The following CCDC47 variants were observed in gnomAD, a reference collection of about 807,000 sequenced individuals.
The protein encoded by CCDC47 is coiled-coil domain containing 47, also known as PAT complex subunit CCDC47.
In CCDC47, 41 loss-of-function variants were observed where a neutral mutation model predicts 60.5. The observed-to-expected ratio is 0.68, with a 90% CI of 0.53 to 0.88. CCDC47 has a LOEUF of 0.88. Among genes scored for constraint, CCDC47 ranks in the 40% least tolerant of loss-of-function variants. The pLI is 0.00. For missense variants in CCDC47, 513 were observed against 580.9 expected, an observed-to-expected ratio of 0.88 and a Z score of 1.20; for synonymous variants, 195 against 190.7, an observed-to-expected ratio of 1.02 and a Z score of -0.18.
intron 9 of CCDC47, chr17:63,753,179 C>T (rs2039180233): frequency 1.6e-6 from 1 of 618,088 alleles, no homozygotes; most frequent in African/African-American, 2.0e-5. Flanking sequence ...TTCTATCTTC[C>T]TATAACAAGG....
chr17:63,760,783 G>A, intron 6 of CCDC47, 131 bp downstream of exon 6: 1 of 620,736 alleles, frequency 1.6e-6, no homozygotes, highest in Non-Finnish European at 2.8e-6. Context: ...AGGTTGCAGT[G>A]AGCCAAGATC....
At chr17:63,770,329 G>A (rs1351833860) in intron 1 of CCDC47, among the ~76,000 whole-genome samples, 2 of 151,908 alleles carry the variant, frequency 1.3e-5, no homozygotes, top group Non-Finnish European at 2.9e-5. Flanking sequence ...ATTGCAGACT[G>A]CGGAACAGGT....
intron 6 of CCDC47, among the ~76,000 whole-genome samples, chr17:63,757,376 T>TAA (rs200173061): frequency 2.3e-5 from 3 of 131,582 alleles, no homozygotes; most frequent in Non-Finnish European, 3.3e-5. Context: ...CAAAAAAAAT[T>TAA]AAAAAAAAAA....
intron 4 of CCDC47, among the ~76,000 whole-genome samples, chr17:63,763,219 G>T (rs1184476066): frequency 6.6e-6 from 1 of 151,976 alleles, no homozygotes; most frequent in Non-Finnish European, 1.5e-5. Context: ...CACCGCACCG[G>T]GCCAAAAAAC....
rs556821358 is a variant in CCDC47, at chr17:63,761,792, T to C, written c.548-441A>G. On this transcript the variant is annotated intron_variant, in intron 4 of 12. Transcript: ENST00000225726. ...TCAGAGTAGCAATACTTTGCTGTCT[T>C]ATAGAACTGTTTGGACAGGGACTGA... 9.2e-6 allele frequency: 9 copies of C among 978,800 alleles called. No homozygotes were observed. The East Asian group carries it at 9.1e-4, about 99-fold the overall frequency. 60.6% of individuals were successfully genotyped at this position (978,800 alleles called of 1,614,324 possible). A position where few individuals can be genotyped will look rare whatever the true frequency, so the allele number is the denominator to read the frequency against.
At chr17:63,758,965 A>G (rs746154684) in intron 6 of CCDC47, among the ~76,000 whole-genome samples, 1 of 152,144 alleles carries the variant, frequency 6.6e-6, no homozygotes, top group Non-Finnish European at 1.5e-5. Flanking sequence ...AGAGAGAGAG[A>G]GGGAATGAGA....
chr17:63,758,569 A>T (rs986012171), intron 6 of CCDC47, among the ~76,000 whole-genome samples: 3 of 152,184 alleles, frequency 2.0e-5, no homozygotes, highest in Admixed American at 6.5e-5. Context: ...ATTGAATTCA[A>T]TTGTGGGATA....
At chr17:63,761,381 A>T in intron 4 of CCDC47, 30 bp from the exon 5 acceptor site, 1 of 1,612,944 alleles carries the variant, frequency 6.2e-7, no homozygotes, top group Non-Finnish European at 8.5e-7. Flanking sequence ...ATGTGACTCA[A>T]CAGAAAATGT....
chr17:63,770,307 T>A (rs551084252), intron 1 of CCDC47, among the ~76,000 whole-genome samples: 3 of 151,974 alleles, frequency 2.0e-5, no homozygotes, highest in Non-Finnish European at 4.4e-5. Flanking sequence ...CTTTTGTCAC[T>A]AGAGAAGAGG....
chr17:63,746,943 C>A lies in CCDC47; in HGVS notation c.1390G>T (p.Glu464Ter), dbSNP rs1362192375. The A allele has an allele frequency of 6.2e-7, 1 of 1,613,548 alleles. No homozygotes were observed. Among genetic ancestry groups the A allele is most frequent in the Non-Finnish European group, 8.5e-7 (1 of 1,179,756 alleles). ...TGCTTCTTTTCCAACTTCTTTTGCT[C>A]ACGCCTCAATGCAGCCTCCTAGAGA... is the stretch of plus-strand genomic sequence containing the variant. ...RRLEEAALRREQKKLEKKQMK... is the reference protein window; with the variant it reads ...RRLEEAALRR Residue 464 changes from glutamate (E) to a stop codon, truncating the protein, a stop_gained, in exon 13 of 13, where the codon GAG becomes TAG. Transcript: ENST00000225726. LOFTEE classifies it high-confidence loss of function.
At chr17:63,762,760 TGA>T (rs1367186622) in intron 4 of CCDC47, among the ~76,000 whole-genome samples, 1 of 152,204 alleles carries the variant, frequency 6.6e-6, no homozygotes, top group Non-Finnish European at 1.5e-5. Flanking sequence ...TTCTAAAAGA[TGA>T]ATTGAGAGCA....
chr17:63,752,191 C>A, intron 11 of CCDC47, 84 bp from the exon 12 acceptor site: 1 of 1,517,258 alleles, frequency 6.6e-7, no homozygotes, highest in Non-Finnish European at 9.1e-7. Flanking sequence ...TTTCATAAAA[C>A]TACTCCCATT....
At chr17:63,755,187 G>A (rs778253547) in intron 8 of CCDC47, 13 of 518,834 alleles carry the variant, frequency 2.5e-5, no homozygotes, top group Non-Finnish European at 3.0e-5. Flanking sequence ...GGCTAGTCCT[G>A]AATCCCTGGA....
rs1446263524 is a variant in CCDC47, at chr17:63,752,764, C to A, written c.1070G>T (p.Arg357Met). ...ACCATTAAATGTAAACAACAGTGTC[C>A]TCTTAGTGTCAGGTAGCTTTAAAGG... ...GQPLKLPDTK[R>M]TLLFTFNVPG... Residue 357 changes from arginine (R) to methionine (M), a missense_variant, in exon 10 of 13, where the codon AGG (arginine) becomes ATG (methionine). By Grantham distance (91) the Arg-to-Met change is moderately conservative (BLOSUM62 -1). Coordinates refer to ENST00000225726, the MANE Select transcript of CCDC47 (RefSeq NM_020198.3). 7 of 1,612,322 alleles carry A rather than the reference C, an allele frequency of 4.3e-6. No individual in the cohort carries two copies. The highest frequency in any genetic ancestry group is 5.9e-6 in the Non-Finnish European group (7 of 1,179,326).
At chr17:63,764,292 T>C in intron 3 of CCDC47, 102 bp from the exon 4 acceptor site, 1 of 828,144 alleles carries the variant, frequency 1.2e-6, no homozygotes, top group Non-Finnish European at 1.9e-6. Context: ...GAAGGGATAC[T>C]TCAGATATCT....
chr17:63,764,869 C>T (rs931315368), intron 2 of CCDC47, 22 bp from the exon 3 acceptor site: 20 of 1,602,818 alleles, frequency 1.2e-5, no homozygotes, highest in Non-Finnish European at 1.5e-5. Context: ...AGGCATCATC[C>T]GTTTTCCTCT....
At chr17:63,748,683 G>A (rs1156326998) in intron 12 of CCDC47, among the ~76,000 whole-genome samples, 1 of 152,164 alleles carries the variant, frequency 6.6e-6, no homozygotes, top group Non-Finnish European at 1.5e-5. Context: ...TATTGGCCGG[G>A]CGCAGTGGCT....
At chr17:63,753,087 C>A (rs2039179724) in intron 9 of CCDC47, 1 of 395,112 alleles carries the variant, frequency 2.5e-6, no homozygotes, top group Admixed American at 6.4e-5. Flanking sequence ...CAGAAATGAG[C>A]CTATATTTAA....
rs992508647 is a variant in CCDC47 at position 63,753,702 on chromosome 17, A to G, written c.1034+731T>C. 7 of 844,054 alleles carry G rather than the reference A, an allele frequency of 8.3e-6. No homozygotes were observed. In the South Asian group the frequency reaches 3.3e-4, roughly 39 times the overall value. The allele number at this position is 844,054 out of a possible 1,614,324, so 52.3% of individuals were successfully genotyped here. A position where few individuals can be genotyped will look rare whatever the true frequency, so the allele number is the denominator to read the frequency against. On this transcript the variant is annotated intron_variant, in intron 9 of 12. Transcript: ENST00000225726. Reference sequence around the variant, plus strand: ...GGCTTCTATGCTAGGAAAGGATACAATCACTTAACTATTCAAAGAGGGAAG... The same window carrying G: ...GGCTTCTATGCTAGGAAAGGATACAGTCACTTAACTATTCAAAGAGGGAAG...
Sources: allele counts gnomAD v4.1 joint callset (sites outside exome capture counted in the v4.1 genomes callset), GRCh38; gene constraint gnomAD v4.1.1; transcripts MANE v1.5; gene names NCBI Gene and HGNC (gene_info 2026-07-23, HGNC 2026-07-21).